The following ECD variants were observed in gnomAD, a reference collection of about 807,000 sequenced individuals.
ECD encodes protein ecdysoneless homolog.
A neutral mutation model predicts 77.2 loss-of-function variants in ECD; 59 were observed. That is an observed-to-expected ratio of 0.76 (90% CI 0.62 to 0.95). The LOEUF (loss-of-function observed/expected upper bound fraction) is 0.95. ECD is among the 40% of genes least tolerant of loss of function. ECD has a pLI of 0.00. For missense variants in ECD, 704 were observed against 763.4 expected (o/e 0.92, Z 0.92); for synonymous variants, 233 against 267.4 (o/e 0.87, Z 1.26).
At chr10:73,146,773 T>TC (rs1843134936) in intron 8 of ECD, among the ~76,000 whole-genome samples, 1 of 146,740 alleles carries the variant, frequency 6.8e-6, no homozygotes, top group Admixed American at 6.7e-5. Context: ...CCTGCCTCTA[T>TC]GAAAAAAAAA....
chr10:73,151,827 G>A (rs1315749108), intron 7 of ECD, among the ~76,000 whole-genome samples: 1 of 152,090 alleles, frequency 6.6e-6, no homozygotes, highest in East Asian at 1.9e-4. Context: ...CATTTAGATT[G>A]CAAATATAAC....
intron 13 of ECD, among the ~76,000 whole-genome samples, chr10:73,136,361 CCT>C (rs1842973959): frequency 6.6e-6 from 1 of 151,882 alleles, no homozygotes; most frequent in Non-Finnish European, 1.5e-5. Flanking sequence ...GAACATGTGC[CCT>C]CTCTTTTTTA....
At chr10:73,150,965 T>C (rs1843193810) in intron 7 of ECD, among the ~76,000 whole-genome samples, 1 of 152,174 alleles carries the variant, frequency 6.6e-6, no homozygotes, top group South Asian at 2.1e-4. Context: ...GAAGTCAGTG[T>C]GGCGATTCCT....
chr10:73,156,758 T>C, intron 3 of ECD, 103 bp from the exon 4 acceptor site: 2 of 1,110,356 alleles, frequency 1.8e-6, no homozygotes, highest in South Asian at 2.7e-5. Flanking sequence ...TTAGTAAATA[T>C]TTGAGTATGT....
At chr10:73,160,671 G>C (rs1340743726) in intron 2 of ECD, 120 bp from the exon 3 acceptor site, 3 of 671,278 alleles carry the variant, frequency 4.5e-6, no homozygotes, top group African/African-American at 1.9e-5. Flanking sequence ...CTGGGGAGCA[G>C]GGGTTGCAAT....
rs1017699304 is a variant in ECD at position 73,133,804 on chromosome 10, C to T, written c.*779G>A. 3.3e-5 allele frequency: 5 copies of T among 151,892 alleles called. No homozygotes were observed. The highest frequency in any genetic ancestry group is 1.9e-4 in the East Asian group (1 of 5,170). The allele number at this position is 151,892 out of a possible 1,614,324, so 9.4% of individuals were successfully genotyped here. On this transcript the variant is annotated 3_prime_UTR_variant, in exon 14 of 14. Transcript: ENST00000372979. ...TATATCAGTTATATTAAATATCAAA[C>T]CAATTAATTAATTAAAACAATTAAG...
chr10:73,135,134 T>G (rs1842961663), intron 13 of ECD, among the ~76,000 whole-genome samples: 1 of 152,172 alleles, frequency 6.6e-6, no homozygotes, highest in South Asian at 2.1e-4. Context: ...TCTAAGAGTC[T>G]TAAAAGAAAC....
At chr10:73,145,613 G>T (rs1283794104) in intron 9 of ECD, among the ~76,000 whole-genome samples, 3 of 149,800 alleles carry the variant, frequency 2.0e-5, no homozygotes, top group Non-Finnish European at 3.0e-5. Context: ...AAAAATAGTT[G>T]AGTAAATTAT....
intron 5 of ECD, among the ~76,000 whole-genome samples, chr10:73,155,647 G>A (rs112626150): frequency 1.6e-4 from 23 of 144,616 alleles, no homozygotes; most frequent in African/African-American, 6.0e-4. Context: ...CGCCCAGGCT[G>A]GAGTGCAGTG....
At chr10:73,138,653 G>GCCTT (rs1248849857) in intron 11 of ECD, among the ~76,000 whole-genome samples, 1 of 151,922 alleles carries the variant, frequency 6.6e-6, no homozygotes, top group East Asian at 1.9e-4. Context: ...TGCAACCTCT[G>GCCTT]CCTTCCGGGG....
chr10:73,136,849 T>G lies in ECD; in HGVS notation c.1559A>C (p.Asp520Ala), dbSNP rs1205871283. 1.2e-6 allele frequency: 2 copies of G among 1,614,064 alleles called. No homozygotes were observed. The highest frequency in any genetic ancestry group is 3.3e-5 in the Admixed American group (2 of 59,990). Residue 520 changes from aspartate (D) to alanine (A), a missense_variant, in exon 13 of 14, where the codon GAT becomes GCT. Physicochemically the swap from Asp to Ala is moderately radical, Grantham distance 126. This residue lies in a region of ECD where 142 missense variants were observed against 163.6 expected (regional missense o/e 0.87). Transcript: ENST00000372979. ...DEDFECLDSDDDLDFETHEPG... is the reference protein window; with the variant it reads ...DEDFECLDSDADLDFETHEPG... ...TTCGTGTGTTTCAAAGTCCAAGTCA[T>G]CATCACTATCTAAACATTCAAAGTC...
intron 2 of ECD, 24 bp from the exon 3 acceptor site, chr10:73,160,575 A>G: frequency 6.6e-7 from 1 of 1,517,370 alleles, no homozygotes. Context: ...AAAAGCAACC[A>G]TGTAACCAGA....
Position 73,138,085 on chromosome 10 carries a change from G to T in ECD, c.1422-15C>A. The T allele has an allele frequency of 6.4e-7, 1 of 1,552,254 alleles. No individual in the cohort carries two copies. Among genetic ancestry groups the T allele is most frequent in the South Asian group, 1.2e-5 (1 of 80,218 alleles). On this transcript the variant is annotated splice_polypyrimidine_tract_variant and intron_variant, in intron 11 of 13. Coordinates refer to ENST00000372979, the MANE Select transcript of ECD (RefSeq NM_007265.3). ...CAGAAGGTTCTCTGCAATATTAAAG[G>T]ACAAAGACAATTAATTTATTCTAAA...
At position 73,156,323 on chromosome 10, in the gene ECD, A is replaced by AT. The variant is rs756304565; in HGVS notation, c.541dup (p.Ile181AsnfsTer13). ...AGCTCGTATAGATTCTGAAGCAAGT[A>AT]TTTTTTCTGAATGTGCTGTGATTAT... On this transcript the variant is annotated frameshift_variant, in exon 5 of 14. Coordinates refer to ENST00000372979, the MANE Select transcript of ECD (RefSeq NM_007265.3). LOFTEE classifies it high-confidence loss of function. 6.2e-7 allele frequency: 1 copy of AT among 1,612,022 alleles called. No homozygotes were observed. The highest frequency in any genetic ancestry group is 8.5e-7 in the Non-Finnish European group (1 of 1,179,520).
chr10:73,165,204 C>G (rs888007705), intron 1 of ECD, among the ~76,000 whole-genome samples: 8 of 152,182 alleles, frequency 5.3e-5, no homozygotes, highest in Admixed American at 3.3e-4. Context: ...ATGTACATCT[C>G]TCTCTTTTAT....
intron 11 of ECD, 40 bp from the exon 12 acceptor site, chr10:73,138,110 A>G (rs1286223005): frequency 4.1e-6 from 6 of 1,455,476 alleles, no homozygotes; most frequent in Non-Finnish European, 5.5e-6. Context: ...TTTATTCTAA[A>G]TACAACTCTT....
At chr10:73,167,031 C>T (rs191419946) in intron 1 of ECD, among the ~76,000 whole-genome samples, 23 of 152,254 alleles carry the variant, frequency 1.5e-4, no homozygotes, top group Admixed American at 6.5e-4. Flanking sequence ...CTTCTGCATA[C>T]GGGTATCAGT....
chr10:73,151,296 T>C (rs993206816), intron 7 of ECD, among the ~76,000 whole-genome samples: 2 of 147,120 alleles, frequency 1.4e-5, no homozygotes, highest in Admixed American at 1.4e-4. Context: ...AAACACCGCA[T>C]GTTCTCACTC....
chr10:73,159,190 G>A (rs910324318), intron 3 of ECD, among the ~76,000 whole-genome samples: 8 of 152,336 alleles, frequency 5.3e-5, no homozygotes, highest in African/African-American at 1.9e-4. Flanking sequence ...TCAGAATTTG[G>A]GTGCTGACTA....
Sources: gnomAD v4.1 joint callset for allele counts (sites outside exome capture counted in the v4.1 genomes callset) on GRCh38, gnomAD v4.1.1 for gene constraint, gnomAD v4.1.1 regional missense constraint, MANE v1.5 for transcripts, NCBI Gene and HGNC (gene_info 2026-07-23, HGNC 2026-07-21) for gene names.